The following PDCD1LG2 variants were observed in gnomAD, a reference collection of about 807,000 sequenced individuals.
PDCD1LG2 encodes the protein programmed cell death 1 ligand 2.
PDCD1LG2 carries 32 observed loss-of-function variants against 28.2 expected under a neutral mutation model. That is an observed-to-expected ratio of 1.13 (90% CI 0.86 to 1.52). The LOEUF is 1.52. PDCD1LG2 is among the 40% of genes most tolerant of loss of function. The pLI, the probability that PDCD1LG2 is intolerant of heterozygous loss-of-function variation, is 0.00. For missense variants in PDCD1LG2, 385 were observed against 323.8 expected, an observed-to-expected ratio of 1.19 and a Z score of -1.45; for synonymous variants, 116 against 120.2, an observed-to-expected ratio of 0.97 and a Z score of 0.23.
intron 3 of PDCD1LG2, among the ~76,000 whole-genome samples, chr9:5,543,399 C>G (rs559888742): frequency 2.6e-5 from 4 of 152,006 alleles, no homozygotes; most frequent in Non-Finnish European, 5.9e-5. Flanking sequence ...ATTAGCCGGG[C>G]GTGGTGGCAG....
intron 1 of PDCD1LG2, among the ~76,000 whole-genome samples, chr9:5,519,253 G>C (rs965239794): frequency 3.3e-5 from 5 of 152,186 alleles, no homozygotes; most frequent in African/African-American, 1.2e-4. Flanking sequence ...TAAGGCAGTT[G>C]CATAGTGTTG....
chr9:5,563,419 A>C (rs1816605815), intron 6 of PDCD1LG2, among the ~76,000 whole-genome samples: 1 of 151,960 alleles, frequency 6.6e-6, no homozygotes, highest in South Asian at 2.1e-4. Context: ...ATTCCTAAGC[A>C]CTCCTAGATG....
chr9:5,544,714 T>A (rs1820758345), intron 3 of PDCD1LG2, among the ~76,000 whole-genome samples: 1 of 148,978 alleles, frequency 6.7e-6, no homozygotes, highest in Non-Finnish European at 1.5e-5. Context: ...AGTTGTTGAG[T>A]CAGGGACAAC....
chr9:5,549,873 G>C (rs748150496), intron 4 of PDCD1LG2, among the ~76,000 whole-genome samples: 31 of 151,920 alleles, frequency 2.0e-4, no homozygotes, highest in Non-Finnish European at 4.0e-4. Context: ...TAGGGAAGCT[G>C]CCACATGCAG....
chr9:5,550,699 CTT>C (rs201167086), intron 4 of PDCD1LG2, among the ~76,000 whole-genome samples: 33 of 140,920 alleles, frequency 2.3e-4, no homozygotes, highest in African/African-American at 8.3e-4. Context: ...CTCTCTCTCT[CTT>C]TTTTTTTTTT....
chr9:5,541,486 T>A lies in PDCD1LG2; in HGVS notation c.361+6436T>A, dbSNP rs750528065. Among the ~76,000 whole-genome samples, 71 of 152,186 alleles carry A rather than the reference T, an allele frequency of 4.7e-4. 2 individuals carry two copies. Among genetic ancestry groups the A allele is most frequent in the Non-Finnish European group, 1.8e-4 (12 of 68,030 alleles). ...GATTCATCTTGAAAGCTCCTAGAAC[T>A]GGTAAACAAATTCAGCAAAGTTTCA... On this transcript the variant is annotated intron_variant, in intron 3 of 6. Coordinates refer to ENST00000397747, the MANE Select transcript of PDCD1LG2 (RefSeq NM_025239.4).
At chr9:5,522,391 A>C in intron 1 of PDCD1LG2, 142 bp from the exon 2 acceptor site, 1 of 586,038 alleles carries the variant, frequency 1.7e-6, no homozygotes, top group Non-Finnish European at 3.1e-6. Context: ...TCAACCTATA[A>C]CTTCTCCTCC....
chr9:5,534,668 G>C (rs2129790804), intron 2 of PDCD1LG2, 77 bp from the exon 3 acceptor site: 1 of 1,349,906 alleles, frequency 7.4e-7, no homozygotes, highest in Non-Finnish European at 1.0e-6. Context: ...GGTGAGATGG[G>C]TCTCAGGTTA....
intron 2 of PDCD1LG2, among the ~76,000 whole-genome samples, chr9:5,523,668 T>C (rs1820319022): frequency 6.6e-6 from 1 of 152,212 alleles, no homozygotes. Context: ...CCTGCCTGGC[T>C]GGCATTTTAG....
chr9:5,553,077 A>T (rs1452057331), intron 4 of PDCD1LG2, among the ~76,000 whole-genome samples: 2 of 151,922 alleles, frequency 1.3e-5, no homozygotes, highest in African/African-American at 4.8e-5. Context: ...ATTGTACTCC[A>T]CTCCAGCCTG....
chr9:5,549,635 C>G (rs2129879601), intron 4 of PDCD1LG2, 31 bp downstream of exon 4: 1 of 1,611,360 alleles, frequency 6.2e-7, no homozygotes. Context: ...CTAGGTCTAT[C>G]AGTTAGGGTT....
intron 1 of PDCD1LG2, among the ~76,000 whole-genome samples, chr9:5,511,418 T>C (rs1820054378): frequency 6.6e-6 from 1 of 152,238 alleles, no homozygotes. Context: ...TGCTATTGAT[T>C]GCTCACCGCC....
intron 1 of PDCD1LG2, among the ~76,000 whole-genome samples, chr9:5,518,329 T>C (rs753074097): frequency 2.0e-5 from 3 of 152,192 alleles, no homozygotes; most frequent in Non-Finnish European, 4.4e-5. Flanking sequence ...TGTTCCTCGG[T>C]TTGCTCAAGG....
In PDCD1LG2 at chr9:5,557,672, T is replaced by C. The variant is rs7854303; in HGVS notation, c.686T>C (p.Phe229Ser). ...TGGCTGCTTCACATTTTCATCCCCT[T>C]CTGCATCATTGCTTTCATTTTCATA... is the stretch of plus-strand genomic sequence containing the variant. ...PTWLLHIFIP[F>S]CIIAFIFIAT... Residue 229 changes from phenylalanine (F) to serine (S), a missense_variant, in exon 5 of 7, where the codon TTC becomes TCC. By Grantham distance (155) the Phe-to-Ser change is radical. Coordinates refer to ENST00000397747, the MANE Select transcript of PDCD1LG2 (RefSeq NM_025239.4). 1 allele frequency: 1,612,764 copies of C among 1,613,858 alleles called. 805,838 individuals carry two copies. Among genetic ancestry groups the C allele is most frequent in the East Asian group, 1 (44,870 of 44,870 alleles).
At chr9:5,523,459 C>T (rs1820315506) in intron 2 of PDCD1LG2, among the ~76,000 whole-genome samples, 1 of 152,176 alleles carries the variant, frequency 6.6e-6, no homozygotes, top group African/African-American at 2.4e-5. Context: ...CTTTCTCCTC[C>T]CTACTAGCTG....
In PDCD1LG2 at chr9:5,549,438, G is replaced by A. The variant is rs2129875473; in HGVS notation, c.465G>A (p.Trp155Ter). ...GTTATCCTCTGGCAGAAGTATCCTG[G>A]CCAAACGTCAGCGTTCCTGCCAACA... ...ATGYPLAEVS[W>*]PNVSVPANTS... The change falls in exon 4 of 7, where the codon TGG becomes TGA. Residue 155 changes from tryptophan (W) to a stop codon, truncating the protein, a stop_gained. Transcript: ENST00000397747. LOFTEE classifies it high-confidence loss of function. The A allele has an allele frequency of 6.2e-7, 1 of 1,614,144 alleles. No individual in the cohort carries two copies. The highest frequency in any genetic ancestry group is 8.5e-7 in the Non-Finnish European group (1 of 1,180,028).
At chr9:5,522,012 G>C (rs572148429) in intron 1 of PDCD1LG2, among the ~76,000 whole-genome samples, 1 of 152,164 alleles carries the variant, frequency 6.6e-6, no homozygotes. Context: ...TCAAGAGAGG[G>C]GCAAACTCAA....
intron 3 of PDCD1LG2, among the ~76,000 whole-genome samples, chr9:5,539,452 T>A (rs1001039278): frequency 6.6e-6 from 1 of 152,222 alleles, no homozygotes; most frequent in African/African-American, 2.4e-5. Context: ...AGCACCTTCG[T>A]TGATGTCTGG....
chr9:5,525,278 G>A (rs932261020), intron 2 of PDCD1LG2, among the ~76,000 whole-genome samples: 3 of 151,034 alleles, frequency 2.0e-5, no homozygotes, highest in African/African-American at 7.3e-5. Flanking sequence ...CCAGGAGGCA[G>A]AGGTTGCAGT....
Sources: gnomAD v4.1 joint callset for allele counts (sites outside exome capture counted in the v4.1 genomes callset) on GRCh38, gnomAD v4.1.1 for gene constraint, MANE v1.5 for transcripts, NCBI Gene and HGNC (gene_info 2026-07-23, HGNC 2026-07-21) for gene names.